The following MRTFA variants were observed in gnomAD, a reference collection of about 807,000 sequenced individuals.
MRTFA encodes the protein myocardin related transcription factor A, also known as myocardin-related transcription factor A.
MRTFA carries 20 observed loss-of-function variants against 83.5 expected under a neutral mutation model. The observed-to-expected ratio is 0.24, with a 90% CI of 0.17 to 0.35. The LOEUF is 0.35. Among genes scored for constraint, MRTFA ranks in the 10% least tolerant of loss-of-function variants. The pLI, the probability that MRTFA is intolerant of heterozygous loss-of-function variation, is 1.00. For missense variants in MRTFA, 1,200 were observed against 1,224.7 expected, an observed-to-expected ratio of 0.98 and a Z score of 0.30; for synonymous variants, 659 against 541.2, an observed-to-expected ratio of 1.22 and a Z score of -3.02.
At chr22:40,470,257 A>ATATATATATATATATATATT (rs1318657347) in intron 3 of MRTFA, among the ~76,000 whole-genome samples, 9 of 111,724 alleles carry the variant, frequency 8.1e-5, no homozygotes, top group African/African-American at 3.7e-4. Context: ...ATATATATAT[A>ATATATATATATATATATATT]TATATATATA....
intron 3 of MRTFA, among the ~76,000 whole-genome samples, chr22:40,541,648 C>CGG (rs2055292388): frequency 6.6e-6 from 1 of 150,920 alleles, no homozygotes; most frequent in African/African-American, 2.4e-5. Flanking sequence ...TAGCTGATGG[C>CGG]TGTGTGTGTG....
chr22:40,444,667 C>T (rs544038824), intron 4 of MRTFA, among the ~76,000 whole-genome samples: 7 of 152,182 alleles, frequency 4.6e-5, no homozygotes, highest in South Asian at 2.1e-4. Flanking sequence ...GACGTGTAGC[C>T]ACCACATTCA....
chr22:40,536,440 G>C (rs1421497790), intron 3 of MRTFA, among the ~76,000 whole-genome samples: 1 of 148,436 alleles, frequency 6.7e-6, no homozygotes, highest in Non-Finnish European at 1.5e-5. Flanking sequence ...AGGAGCGGAC[G>C]GGCCCCGCGG....
At chr22:40,505,556 T>C (rs1291601263) in intron 3 of MRTFA, among the ~76,000 whole-genome samples, 1 of 152,242 alleles carries the variant, frequency 6.6e-6, no homozygotes, top group Non-Finnish European at 1.5e-5. Context: ...GGTTTGAATA[T>C]GTCCCCTCCA....
At chr22:40,496,869 T>TC (rs2054363524) in intron 3 of MRTFA, among the ~76,000 whole-genome samples, 1 of 152,248 alleles carries the variant, frequency 6.6e-6, no homozygotes, top group African/African-American at 2.4e-5. Flanking sequence ...AGTCCTGGTT[T>TC]CCAGCAATAT....
rs2052741879 is a variant in MRTFA at position 40,418,547 on chromosome 22, C to T, written c.2191G>A (p.Glu731Lys). 3.2e-6 allele frequency: 5 copies of T among 1,581,774 alleles called. No individual in the cohort carries two copies. In the East Asian group the frequency reaches 6.7e-5, roughly 21 times the overall value. Residue 731 changes from glutamate (E) to lysine (K), a missense_variant, in exon 12 of 15, where the codon GAG becomes AAG. Glu to Lys is a moderately conservative substitution (Grantham distance 56). This residue lies in a region of MRTFA where 1,107 missense variants were observed against 1,041.8 expected (regional missense o/e 1.06). Coordinates refer to ENST00000355630, the MANE Select transcript of MRTFA (RefSeq NM_020831.6). ...TGGGGGGCGGGGACCGGCTCGGGCTCAGGCTGCAAGGCTTCCTGCTTCACC... is the reference window on the plus strand; with the variant it reads ...TGGGGGGCGGGGACCGGCTCGGGCTTAGGCTGCAAGGCTTCCTGCTTCACC...
chr22:40,541,943 G>T (rs186726235), intron 3 of MRTFA, among the ~76,000 whole-genome samples: 1 of 152,256 alleles, frequency 6.6e-6, no homozygotes, highest in Non-Finnish European at 1.5e-5. Flanking sequence ...TGGGATTACA[G>T]GCGTGAGCCA....
In MRTFA at chr22:40,417,338, C is replaced by T. The variant is rs1201310320; in HGVS notation, c.2517+3G>A. On this transcript the variant is annotated splice_donor_region_variant and intron_variant, in intron 13 of 14. Transcript: ENST00000355630. Reference sequence around the variant, plus strand: ...CTAGCCAGGCCTAGCCCGCCTTCCTCACCTGCTGTTTGGGCTGCTGGCTCA... The same window carrying T: ...CTAGCCAGGCCTAGCCCGCCTTCCTTACCTGCTGTTTGGGCTGCTGGCTCA... 1.2e-6 allele frequency: 2 copies of T among 1,610,390 alleles called. No individual in the cohort carries two copies. The highest frequency in any genetic ancestry group is 1.7e-6 in the Non-Finnish European group (2 of 1,179,372).
chr22:40,590,335 CATT>C (rs1480499978), intron 2 of MRTFA, among the ~76,000 whole-genome samples: 1 of 152,084 alleles, frequency 6.6e-6, no homozygotes, highest in Non-Finnish European at 1.5e-5. Flanking sequence ...TTAACATCAT[CATT>C]AATGAGACAA....
rs28615137 is a variant in MRTFA, at chr22:40,442,796, G to C, written c.308-7242C>G. Among the ~76,000 whole-genome samples, 383 of 152,290 alleles carry C rather than the reference G, an allele frequency of 2.5e-3. 4 individuals are homozygous for C. Among genetic ancestry groups the C allele is most frequent in the Middle Eastern group, 0.014 (4 of 294 alleles). On this transcript the variant is annotated intron_variant, in intron 4 of 14. Coordinates refer to ENST00000355630, the MANE Select transcript of MRTFA (RefSeq NM_020831.6). The stretch of plus-strand genomic sequence containing the variant: ...GAACACCAAAGCCAGACAAGGAAGA[G>C]TGGGGAGATAGCTGAGGCTAAGGAA...
intron 1 of MRTFA, among the ~76,000 whole-genome samples, chr22:40,621,428 G>C (rs1211407729): frequency 6.6e-6 from 1 of 152,104 alleles, no homozygotes; most frequent in East Asian, 1.9e-4. Flanking sequence ...AAACCATAGA[G>C]ACAGAAAAGG....
chr22:40,581,100 C>T (rs1024192613), intron 2 of MRTFA, among the ~76,000 whole-genome samples: 2 of 152,130 alleles, frequency 1.3e-5, no homozygotes, highest in Non-Finnish European at 2.9e-5. Flanking sequence ...GCATGAGCCA[C>T]CATGCCAAGC....
At chr22:40,458,143 T>C (rs2053630376) in intron 4 of MRTFA, among the ~76,000 whole-genome samples, 1 of 152,196 alleles carries the variant, frequency 6.6e-6, no homozygotes, top group Non-Finnish European at 1.5e-5. Context: ...CAGCTCCCTA[T>C]CTCTGCCATC....
At chr22:40,420,686 GC>G in intron 10 of MRTFA, 110 bp from the exon 11 acceptor site, 1 of 1,538,246 alleles carries the variant, frequency 6.5e-7, no homozygotes. Flanking sequence ...TGGGGCAAGG[GC>G]CCAGCAAAGG....
chr22:40,450,774 A>AT (rs1405817016), intron 4 of MRTFA, among the ~76,000 whole-genome samples: 1 of 152,114 alleles, frequency 6.6e-6, no homozygotes, highest in East Asian at 1.9e-4. Context: ...ATTTTCAAAG[A>AT]TTTTTTAAAG....
chr22:40,578,205 T>G (rs536712112), intron 2 of MRTFA, among the ~76,000 whole-genome samples: 1 of 151,150 alleles, frequency 6.6e-6, no homozygotes, highest in Non-Finnish European at 1.5e-5. Context: ...CCACCCACCT[T>G]GGCCTCCCAG....
chr22:40,485,649 A>G (rs2054162954), intron 3 of MRTFA, among the ~76,000 whole-genome samples: 1 of 152,218 alleles, frequency 6.6e-6, no homozygotes, highest in African/African-American at 2.4e-5. Flanking sequence ...CCTCCTACCT[A>G]TTCCTAGATG....
chr22:40,600,810 T>A (rs906401190), intron 1 of MRTFA, among the ~76,000 whole-genome samples: 4 of 152,048 alleles, frequency 2.6e-5, no homozygotes, highest in African/African-American at 9.7e-5. Flanking sequence ...AAACCCCGTC[T>A]CTTCTAAAGA....
At chr22:40,607,192 G>A (rs1281777849) in intron 1 of MRTFA, among the ~76,000 whole-genome samples, 1 of 152,170 alleles carries the variant, frequency 6.6e-6, no homozygotes, top group African/African-American at 2.4e-5. Context: ...CATACCTGGT[G>A]TCACGTTTGC....
Sources: gnomAD v4.1 joint callset for allele counts (sites outside exome capture counted in the v4.1 genomes callset) on GRCh38, gnomAD v4.1.1 for gene constraint, gnomAD v4.1.1 regional missense constraint, MANE v1.5 for transcripts, NCBI Gene and HGNC (gene_info 2026-07-23, HGNC 2026-07-21) for gene names.